The following BDNF variants were observed in gnomAD, a reference collection of about 807,000 sequenced individuals.
BDNF encodes the protein neurotrophic factor BDNF precursor form.
In BDNF, 1 loss-of-function variant was observed where a neutral mutation model predicts 19.5. The observed-to-expected ratio is 0.05, with a 90% CI of 0.02 to 0.24. The LOEUF is 0.24. Among genes scored for constraint, BDNF ranks in the 10% least tolerant of loss-of-function variants. The pLI, the probability that BDNF is intolerant of heterozygous loss-of-function variation, is 1.00. For missense variants in BDNF, 195 were observed against 317.6 expected (o/e 0.61, Z 2.93); for synonymous variants, 100 against 121.6 (o/e 0.82, Z 1.17).
intron 1 of BDNF, chr11:27,674,680 G>A: frequency 2.0e-6 from 2 of 985,390 alleles, no homozygotes; most frequent in Non-Finnish European, 2.4e-6. Flanking sequence ...TGGCGGTACT[G>A]TGAACAACAG....
At position 27,657,797 on chromosome 11, in the gene BDNF, T is replaced by G; in HGVS notation, c.*24A>C. On this transcript the variant is annotated 3_prime_UTR_variant, in exon 2 of 2. Coordinates refer to ENST00000356660, the MANE Select transcript of BDNF (RefSeq NM_001709.5). This position sits in a 1 kb window ranked among gnomAD's most constrained non-coding sequence, Gnocchi z 5.0. ...ATAGATAATTTTTGTCTCAATATAA[T>G]CTAATCTATACAACATAAATCCACT... 1 of 1,610,482 alleles carries G rather than the reference T, an allele frequency of 6.2e-7. No homozygotes were observed. Among genetic ancestry groups the G allele is most frequent in the South Asian group, 1.1e-5 (1 of 90,992 alleles).
At position 27,658,688 on chromosome 11, in the gene BDNF, G is replaced by A; in HGVS notation, c.-21-103C>T. On this transcript the variant is annotated intron_variant, in intron 1 of 1. Transcript: ENST00000356660. This position sits in a 1 kb window ranked among gnomAD's most constrained non-coding sequence, Gnocchi z 5.7. ...TTGTAATTCCAGGCCATTCTGCAGG[G>A]TCAAGGTTTTTTTATGTCTTGGTGA... The A allele has an allele frequency of 5.0e-6, 8 of 1,601,780 alleles. No homozygotes were observed. Among genetic ancestry groups the A allele is most frequent in the Non-Finnish European group, 6.0e-6 (7 of 1,174,398 alleles).
Position 27,657,723 on chromosome 11 carries a change from ATTAT to A in BDNF, c.*94_*97del. 1.9e-6 allele frequency: 3 copies of A among 1,554,218 alleles called. No homozygotes were observed. The highest frequency in any genetic ancestry group is 2.4e-5 in the East Asian group (1 of 41,106). ...TTCATTTATACATGCAGTTCATAAAATTATTTTTTTCTTAACTGAATAATTTACC... is the reference window on the plus strand; with the variant it reads ...TTCATTTATACATGCAGTTCATAAAATTTTTTCTTAACTGAATAATTTACC... On this transcript the variant is annotated 3_prime_UTR_variant, in exon 2 of 2. Transcript: ENST00000356660. The surrounding 1 kb of genome is among the most constrained non-coding windows in gnomAD (Gnocchi z 5.0).
chr11:27,703,208 G>A (rs531003219), upstream of BDNF, among the ~76,000 whole-genome samples: 13 of 152,276 alleles, frequency 8.5e-5, no homozygotes, highest in Non-Finnish European at 1.2e-4. Flanking sequence ...CAGACCCTCT[G>A]CGTTGGTTCC....
chr11:27,721,290 C>T (rs752226814), intron 1 of BDNF: 38 of 1,158,178 alleles, frequency 3.3e-5, no homozygotes, highest in Non-Finnish European at 4.8e-5. Context: ...AAACCCGATT[C>T]CCCTGGCCTG....
intron 1 of BDNF, among the ~76,000 whole-genome samples, chr11:27,670,062 T>A (rs531094813): frequency 6.6e-6 from 1 of 152,010 alleles, no homozygotes; most frequent in African/African-American, 2.4e-5. Context: ...AAAACAGAGA[T>A]ATAGACCAAT....
intron 1 of BDNF, among the ~76,000 whole-genome samples, chr11:27,676,306 C>G (rs967950405): frequency 2.6e-5 from 4 of 152,146 alleles, no homozygotes; most frequent in African/African-American, 7.2e-5. Context: ...TGACTTTCCC[C>G]TATACAGTGG....
At chr11:27,685,040 T>A (rs1857306727) in intron 1 of BDNF, among the ~76,000 whole-genome samples, 1 of 152,214 alleles carries the variant, frequency 6.6e-6, no homozygotes, top group Admixed American at 6.5e-5. Flanking sequence ...GGGCTTTTTT[T>A]GGTTGGTAGG....
chr11:27,707,021 C>T (rs1199182723), intron 1 of BDNF, among the ~76,000 whole-genome samples: 1 of 152,224 alleles, frequency 6.6e-6, no homozygotes, highest in Non-Finnish European at 1.5e-5. Context: ...AGACCTTTCA[C>T]ATTTAAATTG....
intron 1 of BDNF, among the ~76,000 whole-genome samples, chr11:27,709,158 T>C (rs543944330): frequency 6.6e-6 from 1 of 152,300 alleles, no homozygotes; most frequent in Non-Finnish European, 1.5e-5. Context: ...TTGATCACTT[T>C]AGGGAAAATA....
chr11:27,699,187 T>TA (rs1261110115), intron 1 of BDNF, among the ~76,000 whole-genome samples: 1 of 142,290 alleles, frequency 7.0e-6, no homozygotes, highest in East Asian at 2.2e-4. Flanking sequence ...CTCCTCCTCC[T>TA]CGCCTCCCCT....
chr11:27,702,324 C>T (rs1476719681), upstream of BDNF, among the ~76,000 whole-genome samples: 1 of 152,134 alleles, frequency 6.6e-6, no homozygotes, highest in Non-Finnish European at 1.5e-5. Context: ...TGGGGCAGGG[C>T]CCAGGAGTTA....
intron 1 of BDNF, among the ~76,000 whole-genome samples, chr11:27,718,731 T>G (rs1047236666): frequency 2.6e-5 from 4 of 151,932 alleles, no homozygotes; most frequent in Non-Finnish European, 5.9e-5. Flanking sequence ...CTAGCGCCTG[T>G]TTTTTATCTT....
At chr11:27,662,334 A>T (rs934026237) in intron 1 of BDNF, among the ~76,000 whole-genome samples, 3 of 152,200 alleles carry the variant, frequency 2.0e-5, no homozygotes, top group Non-Finnish European at 4.4e-5. Flanking sequence ...AACAGAGAAA[A>T]ATGTAATAGC....
intron 1 of BDNF, among the ~76,000 whole-genome samples, chr11:27,683,422 T>C (rs1371028709): frequency 6.6e-6 from 1 of 152,202 alleles, no homozygotes; most frequent in Non-Finnish European, 1.5e-5. Context: ...TAGATCCCAT[T>C]TGTCAATTTT....
chr11:27,668,653 A>G (rs1367624946), intron 1 of BDNF, among the ~76,000 whole-genome samples: 1 of 152,212 alleles, frequency 6.6e-6, no homozygotes, highest in Admixed American at 6.5e-5. Context: ...ATAAACTAGA[A>G]AACCTAAAAG....
At chr11:27,680,393 A>T (rs752811597) in intron 1 of BDNF, among the ~76,000 whole-genome samples, 7 of 152,234 alleles carry the variant, frequency 4.6e-5, no homozygotes, top group Non-Finnish European at 1.0e-4. Context: ...ACCCCTTAGC[A>T]TGTATAGCTC....
chr11:27,697,156 C>CAGAGAGAG lies in BDNF; in HGVS notation c.-22+3007_-22+3008insCTCTCTCT, dbSNP rs1214718714. On this transcript the variant is annotated intron_variant, in intron 1 of 1. Coordinates refer to ENST00000356660, the MANE Select transcript of BDNF (RefSeq NM_001709.5). ...GCGCACGTGCACGCACACACACACA[C>CAGAGAGAG]ACACACACAGAGAGAGAGAGAGAGA... 1.2e-4 allele frequency among the ~76,000 whole-genome samples: 8 copies of CAGAGAGAG among 69,332 alleles called. 1 individual carries two copies. Among genetic ancestry groups the CAGAGAGAG allele is most frequent in the East Asian group, 3.9e-4 (1 of 2,576 alleles). The allele number at this position is 69,332 out of a possible 152,430, so 45.5% of individuals were successfully genotyped here.
At chr11:27,699,679 G>A in intron 1 of BDNF, 1 of 1,411,554 alleles carries the variant, frequency 7.1e-7, no homozygotes, top group African/African-American at 1.4e-5. Flanking sequence ...CAGCTCCGGG[G>A]AAGGGATGCG....
Sources: allele counts gnomAD v4.1 joint callset (sites outside exome capture counted in the v4.1 genomes callset), GRCh38; gene constraint gnomAD v4.1.1; non-coding constraint Gnocchi (gnomAD v3.1); transcripts MANE v1.5; gene names NCBI Gene and HGNC (gene_info 2026-07-23, HGNC 2026-07-21).